MCF2: variants seen among roughly 807,000 people sequenced by gnomAD.
The protein encoded by MCF2 is proto-oncogene DBL.
A neutral mutation model predicts 82.5 loss-of-function variants in MCF2; 44 were observed. The observed-to-expected ratio is 0.53, with a 90% CI of 0.42 to 0.69. The LOEUF (loss-of-function observed/expected upper bound fraction) is 0.69. Among genes scored for constraint, MCF2 ranks in the 30% least tolerant of loss-of-function variants. The pLI is 0.00. For synonymous variants in MCF2, 217 were observed against 224.9 expected (o/e 0.96, Z 0.32); for missense variants, 623 against 663.1 (o/e 0.94, Z 0.66).
intron 10 of MCF2, among the ~76,000 whole-genome samples, chrX:139,613,676 T>C (rs183118741): frequency 2.0e-4 from 22 of 111,392 alleles, no homozygotes; most frequent in African/African-American, 7.1e-4. Context: ...GAGGTCTGTC[T>C]TCTGCTCAAG....
intron 1 of MCF2, among the ~76,000 whole-genome samples, chrX:139,667,107 T>C (rs1342511241): frequency 1.8e-5 from 2 of 111,196 alleles, no homozygotes; most frequent in African/African-American, 6.5e-5. Flanking sequence ...TTCTCATTCA[T>C]ACCCTGATTG....
intron 6 of MCF2, among the ~76,000 whole-genome samples, chrX:139,625,685 C>T (rs1221975353): frequency 2.7e-5 from 3 of 111,602 alleles, no homozygotes; most frequent in South Asian, 7.6e-4. Context: ...GATGGATTTT[C>T]CAGGAAGGTC....
intron 1 of MCF2, among the ~76,000 whole-genome samples, chrX:139,686,694 C>T (rs1935133034): frequency 8.9e-6 from 1 of 111,737 alleles, no homozygotes. Context: ...TTCTCTCATA[C>T]TCCATATCCA....
rs143784626 is a variant in MCF2 at position 139,626,864 on chromosome X, T to G, written c.439-108A>C. 1.4e-3 allele frequency: 893 copies of G among 661,009 alleles called. 5 individuals carry two copies. In the African/African-American group the frequency reaches 0.018, roughly 13 times the overall value. 54.5% of individuals were successfully genotyped at this position (661,009 alleles called of 1,213,427 possible). ...CATGAAGAATCGAAACAGTTAATTC[T>G]AGAATGGCCTTTGCTTTCATAGCTC... On this transcript the variant is annotated intron_variant, in intron 4 of 24. Coordinates refer to ENST00000370576, the Ensembl canonical transcript of MCF2.
chrX:139,687,431 G>A (rs916415326), intron 1 of MCF2, among the ~76,000 whole-genome samples: 4 of 113,326 alleles, frequency 3.5e-5, no homozygotes, highest in African/African-American at 1.3e-4. Flanking sequence ...CACTGGCCTT[G>A]TCAGCCATCA....
At chrX:139,584,297 G>A (rs1408289110) in intron 24 of MCF2, among the ~76,000 whole-genome samples, 12 of 109,798 alleles carry the variant, frequency 1.1e-4, no homozygotes, top group Non-Finnish European at 2.3e-4. Flanking sequence ...CACCACAACC[G>A]CCTAATTTTG....
chrX:139,653,876 T>C (rs1033971779), intron 1 of MCF2, among the ~76,000 whole-genome samples: 2 of 110,864 alleles, frequency 1.8e-5, no homozygotes, highest in Non-Finnish European at 1.9e-5. Flanking sequence ...CTCTCACATA[T>C]TAGTGAGAAC....
intron 11 of MCF2, among the ~76,000 whole-genome samples, chrX:139,608,731 C>T (rs1333461800): frequency 9.0e-6 from 1 of 111,714 alleles, no homozygotes; most frequent in East Asian, 2.8e-4. Context: ...AACCACAGTC[C>T]TAGGTGCTTA....
exon 1 of MCF2, chrX:139,708,112 T>A (rs2148593000): frequency 8.9e-6 from 1 of 112,171 alleles, no homozygotes; most frequent in East Asian, 2.8e-4. Flanking sequence ...TTACCACAAA[T>A]GTTTGTCCTT....
At chrX:139,645,732 T>C, upstream of MCF2, 4 of 544,639 alleles carry the variant, frequency 7.3e-6, no homozygotes, top group East Asian at 3.7e-5. Flanking sequence ...TCATTCTATT[T>C]CTGATTATTT....
chrX:139,622,345 A>G (rs1311874158), intron 6 of MCF2, among the ~76,000 whole-genome samples: 1 of 111,864 alleles, frequency 8.9e-6, no homozygotes, highest in African/African-American at 3.3e-5. Flanking sequence ...ATCTAGAACT[A>G]GAAATACCAT....
chrX:139,627,389 C>T (rs1424354675), intron 4 of MCF2, among the ~76,000 whole-genome samples: 1 of 112,257 alleles, frequency 8.9e-6, no homozygotes, highest in African/African-American at 3.2e-5. Flanking sequence ...CAATCACTCC[C>T]TGCCTTAAGT....
chrX:139,636,095 C>T (rs897997872), intron 1 of MCF2, among the ~76,000 whole-genome samples: 1 of 111,225 alleles, frequency 9.0e-6, no homozygotes, highest in African/African-American at 3.3e-5. Flanking sequence ...AAAATTTTGC[C>T]TTGGATTCTC....
chrX:139,594,973 A>G (rs1174640397), intron 19 of MCF2, among the ~76,000 whole-genome samples: 2 of 111,317 alleles, frequency 1.8e-5, no homozygotes, highest in African/African-American at 6.6e-5. Flanking sequence ...AACACATGAC[A>G]AAATGCTCAC....
chrX:139,692,295 C>A (rs954831997), intron 1 of MCF2: 1 of 312,017 alleles, frequency 3.2e-6, no homozygotes, highest in Non-Finnish European at 5.5e-6. Context: ...AGCCCCTGGC[C>A]CCGCTCAGCC....
intron 1 of MCF2, among the ~76,000 whole-genome samples, chrX:139,693,230 G>A (rs1197230560): frequency 9.0e-6 from 1 of 111,441 alleles, no homozygotes; most frequent in Non-Finnish European, 1.9e-5. Flanking sequence ...AAAAATGTGT[G>A]TCTGAAGCTG....
chrX:139,688,153 C>A (rs1263259473), intron 1 of MCF2, among the ~76,000 whole-genome samples: 1 of 111,553 alleles, frequency 9.0e-6, no homozygotes, highest in African/African-American at 3.3e-5. Flanking sequence ...AAAAGCAGAA[C>A]AATCTGTCCC....
At chrX:139,682,956 G>A (rs1935036749) in intron 1 of MCF2, among the ~76,000 whole-genome samples, 1 of 111,066 alleles carries the variant, frequency 9.0e-6, no homozygotes, top group Non-Finnish European at 1.9e-5. Flanking sequence ...TTGAGTTAGG[G>A]TCTCACTCTG....
At chrX:139,675,398 T>A (rs988258406) in intron 1 of MCF2, among the ~76,000 whole-genome samples, 35 of 112,926 alleles carry the variant, frequency 3.1e-4, no homozygotes, top group African/African-American at 1.0e-3. Flanking sequence ...TTTTAGAATT[T>A]TCAGCATTTC....
Sources: gnomAD v4.1 joint callset for allele counts (sites outside exome capture counted in the v4.1 genomes callset) on GRCh38, gnomAD v4.1.1 for gene constraint, MANE v1.5 for transcripts, NCBI Gene and HGNC (gene_info 2026-07-23, HGNC 2026-07-21) for gene names.